DRC7: variants seen among roughly 807,000 people sequenced by gnomAD.
DRC7 encodes the protein dynein regulatory complex subunit 7.
DRC7 carries 80 observed loss-of-function variants against 104.4 expected under a neutral mutation model. The observed-to-expected ratio is 0.77, with a 90% confidence interval of 0.64 to 0.92. The LOEUF is 0.92. Among genes scored for constraint, DRC7 ranks in the 40% least tolerant of loss-of-function variants. DRC7 has a pLI of 0.00. For synonymous variants in DRC7, 405 were observed against 447.3 expected (o/e 0.91, Z 1.19); for missense variants, 1,034 against 1,141.1 (o/e 0.91, Z 1.35).
intron 9 of DRC7, among the ~76,000 whole-genome samples, chr16:57,719,036 A>C (rs1223262115): frequency 6.6e-6 from 1 of 151,742 alleles, no homozygotes; most frequent in Admixed American, 6.6e-5. Flanking sequence ...GAGCGGGGTC[A>C]TAACACCCCG....
chr16:57,705,764 A>ATCCTCCCATCCATCCC (rs2048712060), intron 7 of DRC7, among the ~76,000 whole-genome samples: 1 of 91,160 alleles, frequency 1.1e-5, no homozygotes. Flanking sequence ...CCTCCCATCC[A>ATCCTCCCATCCATCCC]TCCTCCCATC....
intron 15 of DRC7, 172 bp downstream of exon 15, chr16:57,727,114 CCAT>C (rs1413242155): frequency 3.1e-6 from 2 of 648,074 alleles, no homozygotes; most frequent in African/African-American, 3.6e-5. Context: ...GCGCACACCA[CCAT>C]GCCTGGCTAA....
chr16:57,724,955 A>G, intron 13 of DRC7, 120 bp downstream of exon 13: 1 of 694,226 alleles, frequency 1.4e-6, no homozygotes, highest in Non-Finnish European at 2.5e-6. Context: ...ATCCAAGGGC[A>G]CCAATGATGA....
intron 13 of DRC7, 105 bp downstream of exon 13, chr16:57,724,940 G>A: frequency 8.6e-6 from 7 of 814,614 alleles, no homozygotes; most frequent in South Asian, 6.3e-5. Flanking sequence ...TAAGGCCTGA[G>A]ACATATCCAA....
intron 5 of DRC7, 100 bp downstream of exon 5, chr16:57,700,370 C>G: frequency 1.4e-6 from 2 of 1,444,750 alleles, no homozygotes; most frequent in South Asian, 1.3e-5. Context: ...ACTTAGAGGC[C>G]GGGCGTGGTA....
chr16:57,730,263 A>G (rs1389696619), intron 17 of DRC7, among the ~76,000 whole-genome samples: 5 of 49,442 alleles, frequency 1.0e-4, no homozygotes, highest in Non-Finnish European at 1.5e-4. Flanking sequence ...GTGAGTGAGT[A>G]GGTGGGTGGA....
chr16:57,727,445 C>T lies in DRC7; in HGVS notation c.2196+36C>T, dbSNP rs772398456. 2.7e-5 allele frequency: 40 copies of T among 1,499,234 alleles called. No homozygotes were observed. In the Middle Eastern group the frequency reaches 5.1e-4, roughly 19 times the overall value. 92.9% of individuals were successfully genotyped at this position (1,499,234 alleles called of 1,614,324 possible). ...ATCCCTTCTCCAGGCCCCAGCTTTT[C>T]CTAGACCCCCCTGGTCTCCAGGGTG... On this transcript the variant is annotated intron_variant, in intron 16 of 18. Transcript: ENST00000360716.
chr16:57,723,526 A>G (rs751532761), intron 12 of DRC7, among the ~76,000 whole-genome samples: 1 of 152,152 alleles, frequency 6.6e-6, no homozygotes, highest in Non-Finnish European at 1.5e-5. Context: ...CCAGGGGTTC[A>G]AGACCAGCCT....
intron 17 of DRC7, 33 bp downstream of exon 17, chr16:57,728,617 A>T (rs2049002409): frequency 6.6e-7 from 1 of 1,508,234 alleles, no homozygotes; most frequent in African/African-American, 1.4e-5. Flanking sequence ...GGAGGGGGGG[A>T]TCTCAGCATC....
chr16:57,707,312 G>A, intron 7 of DRC7, 148 bp from the exon 8 acceptor site: 1 of 653,990 alleles, frequency 1.5e-6, no homozygotes, highest in East Asian at 2.7e-5. Context: ...TGATGGGAGG[G>A]GAGATGGGCC....
Position 57,705,174 on chromosome 16 carries a change from A to T in DRC7, c.858+140A>T, listed in dbSNP as rs1261111750. The T allele has an allele frequency of 3.0e-6, 3 of 987,302 alleles. No individual in the cohort carries two copies. The African/African-American group carries it at 4.9e-5, about 16-fold the overall frequency. 61.2% of individuals were successfully genotyped at this position (987,302 alleles called of 1,614,324 possible). A position where few individuals can be genotyped will look rare whatever the true frequency, so the allele number is the denominator to read the frequency against. ...CACCTCACAATCACCCCCAACCTCT[A>T]CCTGGCCCTGCAGGAATCTCCCACT... On this transcript the variant is annotated intron_variant, in intron 7 of 18. Transcript: ENST00000360716.
At position 57,697,533 on chromosome 16, in the gene DRC7, A is replaced by C. The variant is rs148257935; in HGVS notation, c.-37-380A>C. 9.3e-4 allele frequency among the ~76,000 whole-genome samples: 142 copies of C among 152,046 alleles called. 4 individuals carry two copies. The highest frequency in any genetic ancestry group is 6.0e-3 in the Admixed American group (92 of 15,276). Reference sequence around the variant, plus strand: ...CGGTGAGCCATGATCGTGCTGCTGCACTCCAAGCCTGAGTGACAGAGCAAG... The same window carrying C: ...CGGTGAGCCATGATCGTGCTGCTGCCCTCCAAGCCTGAGTGACAGAGCAAG... On this transcript the variant is annotated intron_variant, in intron 2 of 18. Coordinates refer to ENST00000360716, the MANE Select transcript of DRC7 (RefSeq NM_001289162.2).
At chr16:57,699,381 A>G (rs2048633443) in intron 4 of DRC7, among the ~76,000 whole-genome samples, 2 of 152,158 alleles carry the variant, frequency 1.3e-5, no homozygotes, top group Admixed American at 1.3e-4. Flanking sequence ...AATGCTAAAC[A>G]TTGCCACGTG....
At chr16:57,717,931 TA>T (rs1456987281) in intron 8 of DRC7, among the ~76,000 whole-genome samples, 1 of 152,132 alleles carries the variant, frequency 6.6e-6, no homozygotes, top group East Asian at 1.9e-4. Flanking sequence ...GAAGCCTTTT[TA>T]AAAAACCTTC....
Position 57,716,260 on chromosome 16 carries a change from T to TG in DRC7, c.1078-2086dup, listed in dbSNP as rs199626191. Among the ~76,000 whole-genome samples, 553 of 152,244 alleles carry TG rather than the reference T, an allele frequency of 3.6e-3. 6 individuals carry two copies. The highest frequency in any genetic ancestry group is 0.013 in the African/African-American group (525 of 41,542). On this transcript the variant is annotated intron_variant, in intron 8 of 18. Transcript: ENST00000360716. ...GCTCACGCCTTTAATCCCAGGACTT[T>TG]GAGAGGCCGAGGTAGGTGGATCACT...
At position 57,704,759 on chromosome 16, in the gene DRC7, G is replaced by A. The variant is rs566768752; in HGVS notation, c.700-117G>A. 4.2e-6 allele frequency: 5 copies of A among 1,191,354 alleles called. No individual in the cohort carries two copies. In the South Asian group the frequency reaches 5.9e-5, roughly 14 times the overall value. The allele number at this position is 1,191,354 out of a possible 1,614,324, so 73.8% of individuals were successfully genotyped here. A position where few individuals can be genotyped will look rare whatever the true frequency, so the allele number is the denominator to read the frequency against. On this transcript the variant is annotated intron_variant, in intron 6 of 18. Transcript: ENST00000360716. Reference sequence around the variant, plus strand: ...AGAGCCAGAAAGGCCACAGGCTACAGGAGTAGCTGCCATCCCCCGGTCTGA... The same window carrying A: ...AGAGCCAGAAAGGCCACAGGCTACAAGAGTAGCTGCCATCCCCCGGTCTGA...
chr16:57,730,820 A>G (rs1335569391), intron 17 of DRC7, 111 bp from the exon 18 acceptor site: 1 of 1,205,608 alleles, frequency 8.3e-7, no homozygotes, highest in East Asian at 2.3e-5. Flanking sequence ...GAGTGGGGAC[A>G]CTGGGGCCAA....
rs1326408625 is a variant in DRC7, at chr16:57,729,318, A to T, written c.2391+734A>T. The stretch of plus-strand genomic sequence containing the variant: ...GATGAGTGAGTGGGTGGATGGATGG[A>T]TGAGTGGGTGGATGGATGGATGGGT... On this transcript the variant is annotated intron_variant, in intron 17 of 18. Coordinates refer to ENST00000360716, the MANE Select transcript of DRC7 (RefSeq NM_001289162.2). Among the ~76,000 whole-genome samples, 102 of 124,036 alleles carry T rather than the reference A, an allele frequency of 8.2e-4. 3 individuals carry two copies. The highest frequency in any genetic ancestry group is 6.7e-3 in the Admixed American group (85 of 12,758). 81.4% of individuals were successfully genotyped at this position (124,036 alleles called of 152,430 possible). A position where few individuals can be genotyped will look rare whatever the true frequency, so the allele number is the denominator to read the frequency against.
At chr16:57,724,508 A>C (rs2048940736) in intron 12 of DRC7, 107 bp from the exon 13 acceptor site, 1 of 699,000 alleles carries the variant, frequency 1.4e-6, no homozygotes, top group African/African-American at 1.8e-5. Context: ...CTCATCCATA[A>C]TGTGGGTCTG....
Sources: allele counts gnomAD v4.1 joint callset (sites outside exome capture counted in the v4.1 genomes callset), GRCh38; gene constraint gnomAD v4.1.1; transcripts MANE v1.5; gene names NCBI Gene and HGNC (gene_info 2026-07-23, HGNC 2026-07-21).